The following RGS6 variants were observed in gnomAD, a reference collection of about 807,000 sequenced individuals.
The protein encoded by RGS6 is regulator of G-protein signaling 6.
A neutral mutation model predicts 78.5 loss-of-function variants in RGS6; 30 were observed. The observed-to-expected ratio is 0.38, with a 90% CI of 0.29 to 0.52. The LOEUF (loss-of-function observed/expected upper bound fraction) is 0.52, where lower values mean the gene tolerates loss of function less well. Among genes scored for constraint, RGS6 ranks in the 20% least tolerant of loss-of-function variants. RGS6 has a pLI of 0.85. For synonymous variants in RGS6, 206 were observed against 206.0 expected, an observed-to-expected ratio of 1.00 and a Z score of 0.00; for missense variants, 495 against 609.7, an observed-to-expected ratio of 0.81 and a Z score of 1.98.
chr14:72,495,906 A>G (rs1037422256), intron 13 of RGS6, among the ~76,000 whole-genome samples: 3 of 152,130 alleles, frequency 2.0e-5, no homozygotes, highest in Non-Finnish European at 4.4e-5. Flanking sequence ...GCCCAGAGGG[A>G]CTTGGACCAC....
chr14:71,981,534 G>C (rs909115999), intron 2 of RGS6, among the ~76,000 whole-genome samples: 1 of 151,622 alleles, frequency 6.6e-6, no homozygotes, highest in Non-Finnish European at 1.5e-5. Flanking sequence ...AGGTGTCAGT[G>C]TGCCCCTGCT....
chr14:72,128,050 T>C (rs1449017043), intron 2 of RGS6, among the ~76,000 whole-genome samples: 1 of 152,208 alleles, frequency 6.6e-6, no homozygotes, highest in Non-Finnish European at 1.5e-5. Context: ...AGACCACAGT[T>C]TAAACATTTG....
chr14:72,463,547 C>T (rs1164739391), intron 6 of RGS6, among the ~76,000 whole-genome samples: 5 of 152,266 alleles, frequency 3.3e-5, no homozygotes, highest in Non-Finnish European at 1.5e-5. Flanking sequence ...TTCACAACCC[C>T]GCTGTCCCAT....
intron 2 of RGS6, among the ~76,000 whole-genome samples, chr14:71,997,550 G>A (rs2153210412): frequency 6.6e-6 from 1 of 152,294 alleles, no homozygotes; most frequent in South Asian, 2.1e-4. Flanking sequence ...CAAAATGTCT[G>A]TGTCCTCAAA....
intron 2 of RGS6, among the ~76,000 whole-genome samples, chr14:72,110,350 C>A (rs566330408): frequency 6.6e-6 from 1 of 152,290 alleles, no homozygotes; most frequent in South Asian, 2.1e-4. Flanking sequence ...GTAAAGTGTT[C>A]TGGGTAACAA....
At chr14:72,313,556 T>C (rs891628666) in intron 2 of RGS6, among the ~76,000 whole-genome samples, 1 of 152,252 alleles carries the variant, frequency 6.6e-6, no homozygotes, top group East Asian at 1.9e-4. Context: ...TGATCGTTCC[T>C]TCTGCTGGTT....
At chr14:72,364,023 A>AC (rs1312514401) in intron 3 of RGS6, among the ~76,000 whole-genome samples, 2 of 151,086 alleles carry the variant, frequency 1.3e-5, no homozygotes, top group African/African-American at 4.9e-5. Flanking sequence ...AAAAAAAAAA[A>AC]AAACTCTATA....
intron 4 of RGS6, among the ~76,000 whole-genome samples, chr14:72,456,225 T>G (rs2095626174): frequency 6.6e-6 from 1 of 152,170 alleles, no homozygotes. Context: ...ACCGAGGCCT[T>G]GGGAAACAGT....
chr14:72,527,038 T>C (rs2097128800), intron 15 of RGS6, among the ~76,000 whole-genome samples: 4 of 152,240 alleles, frequency 2.6e-5, no homozygotes, highest in Admixed American at 2.6e-4. Flanking sequence ...CTCAACGCTT[T>C]ACCAGGTTGG....
chr14:72,353,738 T>C (rs2079602025), intron 3 of RGS6, among the ~76,000 whole-genome samples: 1 of 152,114 alleles, frequency 6.6e-6, no homozygotes. Flanking sequence ...ATCCCAGCAC[T>C]TTAGGAGGCT....
chr14:72,309,913 C>T (rs2152454618), intron 2 of RGS6, among the ~76,000 whole-genome samples: 1 of 152,300 alleles, frequency 6.6e-6, no homozygotes, highest in Non-Finnish European at 1.5e-5. Context: ...TAGTTTGTCC[C>T]AATCTTTATT....
chr14:72,196,156 G>A (rs927316840), intron 2 of RGS6, among the ~76,000 whole-genome samples: 2 of 152,232 alleles, frequency 1.3e-5, no homozygotes, highest in Non-Finnish European at 2.9e-5. Context: ...CGGAGAAGGT[G>A]GACATACAGC....
At chr14:71,903,068 A>G in the RGS6 span, among the ~76,000 whole-genome samples, 3,631 of 152,318 alleles carry the variant, frequency 0.024, 158 homozygotes, top group African/African-American at 0.083. Context: ...TAGGTATGGC[A>G]GGGTTAAGCC....
chr14:72,002,622 C>T (rs1412198456), intron 2 of RGS6, among the ~76,000 whole-genome samples: 1 of 151,516 alleles, frequency 6.6e-6, no homozygotes, highest in Non-Finnish European at 1.5e-5. Flanking sequence ...AAAATGGGAA[C>T]CCCTGGGCTC....
chr14:71,884,495 G>C, the RGS6 span, among the ~76,000 whole-genome samples: 1 of 152,182 alleles, frequency 6.6e-6, no homozygotes, highest in Non-Finnish European at 1.5e-5. Context: ...GTTCATTTTA[G>C]AACTTTACAT....
the RGS6 span, among the ~76,000 whole-genome samples, chr14:71,894,573 C>T: frequency 1.3e-5 from 2 of 152,176 alleles, no homozygotes; most frequent in Non-Finnish European, 2.9e-5. Flanking sequence ...GCACTAAGGA[C>T]TCGCCCTGAA....
intron 2 of RGS6, among the ~76,000 whole-genome samples, chr14:72,037,970 A>ATTATT (rs57374454): frequency 6.0e-5 from 9 of 151,206 alleles, no homozygotes; most frequent in Non-Finnish European, 1.2e-4. Context: ...TTTATTTTTT[A>ATTATT]TTATTTTATT....
At chr14:72,183,903 C>T (rs1475526653) in intron 2 of RGS6, among the ~76,000 whole-genome samples, 1 of 152,042 alleles carries the variant, frequency 6.6e-6, no homozygotes, top group African/African-American at 2.4e-5. Context: ...CGTGTTGGCT[C>T]AACTCAGGGT....
intron 2 of RGS6, among the ~76,000 whole-genome samples, chr14:72,115,650 CT>C (rs1438655898): frequency 5.3e-5 from 8 of 152,190 alleles, no homozygotes; most frequent in African/African-American, 1.9e-4. Context: ...TCAACAGCCC[CT>C]GGCCCCCCAT....
Sources: gnomAD v4.1 joint callset for allele counts (sites outside exome capture counted in the v4.1 genomes callset) on GRCh38, gnomAD v4.1.1 for gene constraint, MANE v1.5 for transcripts, NCBI Gene and HGNC (gene_info 2026-07-23, HGNC 2026-07-21) for gene names.